Variants in ASTN2 observed in about 807,000 individuals in gnomAD.
The protein encoded by ASTN2 is astrotactin-2.
In ASTN2, 54 loss-of-function variants were observed where a neutral mutation model predicts 139.8. The observed-to-expected ratio is 0.39, with a 90% CI of 0.31 to 0.48. The LOEUF (loss-of-function observed/expected upper bound fraction) is 0.48, where lower values mean the gene tolerates loss of function less well. Ranked by LOEUF, ASTN2 falls within the 20% of genes least tolerant of loss-of-function variation. The pLI is 0.95. For missense variants in ASTN2, 1,565 were observed against 1,725.1 expected, an observed-to-expected ratio of 0.91 and a Z score of 1.64; for synonymous variants, 756 against 719.5, an observed-to-expected ratio of 1.05 and a Z score of -0.81.
At chr9:116,637,502 G>A (rs1408420360) in intron 17 of ASTN2, among the ~76,000 whole-genome samples, 1 of 152,152 alleles carries the variant, frequency 6.6e-6, no homozygotes, top group Non-Finnish European at 1.5e-5. Flanking sequence ...TGAGACAAAA[G>A]TAGTATTTAA....
intron 2 of ASTN2, among the ~76,000 whole-genome samples, chr9:117,215,114 A>T (rs1832270963): frequency 6.6e-6 from 1 of 152,114 alleles, no homozygotes; most frequent in African/African-American, 2.4e-5. Flanking sequence ...CTGCGGCTTC[A>T]CACAGGTGAA....
chr9:116,737,031 G>A (rs1432367840), intron 13 of ASTN2, among the ~76,000 whole-genome samples: 2 of 152,168 alleles, frequency 1.3e-5, no homozygotes, highest in Admixed American at 1.3e-4. Context: ...GAAAGTAGAG[G>A]GGGGACTTGG....
intron 19 of ASTN2, among the ~76,000 whole-genome samples, chr9:116,614,115 A>G (rs7863794): frequency 0.4 from 61,433 of 151,944 alleles, 13,232 homozygotes; most frequent in Admixed American, 0.51. Flanking sequence ...GTGAACTCCC[A>G]TTCACAATTG....
chr9:116,474,808 G>A (rs1024902120), intron 20 of ASTN2, among the ~76,000 whole-genome samples: 1 of 152,208 alleles, frequency 6.6e-6, no homozygotes, highest in Non-Finnish European at 1.5e-5. Context: ...AAGGCCCCAG[G>A]TGGATGGACA....
intron 1 of ASTN2, among the ~76,000 whole-genome samples, chr9:117,384,676 C>T (rs1830352920): frequency 6.6e-6 from 1 of 152,188 alleles, no homozygotes; most frequent in African/African-American, 2.4e-5. Context: ...AAGGCCCTCC[C>T]AGGTTTAGAG....
chr9:117,413,720 CT>C (rs1200715286), intron 1 of ASTN2, among the ~76,000 whole-genome samples: 1 of 152,274 alleles, frequency 6.6e-6, no homozygotes, highest in African/African-American at 2.4e-5. Flanking sequence ...CTCTCCTCTC[CT>C]TTTTCTTGCC....
At chr9:116,765,434 C>G (rs1199007669) in intron 13 of ASTN2, among the ~76,000 whole-genome samples, 1 of 152,086 alleles carries the variant, frequency 6.6e-6, no homozygotes, top group South Asian at 2.1e-4. Context: ...CTAGTTTGAC[C>G]TTTCTTAAGG....
At chr9:116,929,742 C>T (rs1834848906) in intron 10 of ASTN2, among the ~76,000 whole-genome samples, 1 of 152,194 alleles carries the variant, frequency 6.6e-6, no homozygotes, top group South Asian at 2.1e-4. Flanking sequence ...AGCAATTTCA[C>T]ATTAAACCTA....
intron 3 of ASTN2, among the ~76,000 whole-genome samples, chr9:117,174,587 C>T (rs1269917883): frequency 6.6e-6 from 1 of 151,756 alleles, no homozygotes; most frequent in East Asian, 1.9e-4. Flanking sequence ...TTTTATGAAG[C>T]TAGGATAATG....
At chr9:117,105,525 C>T (rs1013006569) in intron 4 of ASTN2, among the ~76,000 whole-genome samples, 2 of 152,184 alleles carry the variant, frequency 1.3e-5, no homozygotes, top group Admixed American at 6.5e-5. Flanking sequence ...CCTTGTGGAA[C>T]TGAGATAATT....
intron 5 of ASTN2, among the ~76,000 whole-genome samples, chr9:117,078,252 G>A (rs777156043): frequency 6.6e-6 from 1 of 152,142 alleles, no homozygotes; most frequent in Non-Finnish European, 1.5e-5. Context: ...GGTCCAAAAA[G>A]AGGAAGAAAA....
intron 20 of ASTN2, among the ~76,000 whole-genome samples, chr9:116,483,663 A>G (rs1849244848): frequency 6.6e-6 from 1 of 152,356 alleles, no homozygotes; most frequent in East Asian, 1.9e-4. Context: ...GACAAAGAGA[A>G]AAAGGCAGAG....
At chr9:117,022,477 AC>A (rs1406557916) in intron 6 of ASTN2, among the ~76,000 whole-genome samples, 8 of 151,960 alleles carry the variant, frequency 5.3e-5, no homozygotes, top group East Asian at 1.9e-4. Context: ...AAACAAAAAA[AC>A]AACATCATTT....
chr9:116,565,351 T>TTCTCTC (rs772428232), intron 19 of ASTN2, among the ~76,000 whole-genome samples: 36 of 35,986 alleles, frequency 1.0e-3, no homozygotes, highest in East Asian at 5.6e-3. Flanking sequence ...AAGACACTGT[T>TTCTCTC]TCTCTCTCTC....
At chr9:116,687,530 A>C in intron 16 of ASTN2, 1 of 6,516 alleles carries the variant, frequency 1.5e-4, no homozygotes, top group South Asian at 3.6e-3. Flanking sequence ...GGGCAGGACT[A>C]GGGTGGGGGT....
intron 4 of ASTN2, among the ~76,000 whole-genome samples, chr9:117,132,987 C>T (rs1015233099): frequency 2.6e-5 from 4 of 152,072 alleles, no homozygotes; most frequent in Non-Finnish European, 1.5e-5. Context: ...TGAATAATAT[C>T]CCCAGGATAT....
chr9:117,367,006 C>A (rs1829862752), intron 1 of ASTN2, among the ~76,000 whole-genome samples: 1 of 152,104 alleles, frequency 6.6e-6, no homozygotes, highest in Non-Finnish European at 1.5e-5. Context: ...AACTCCTGAC[C>A]TTGTGATCCA....
chr9:117,327,480 T>C (rs1015525865), intron 1 of ASTN2, among the ~76,000 whole-genome samples: 6 of 152,044 alleles, frequency 3.9e-5, no homozygotes, highest in African/African-American at 1.4e-4. Flanking sequence ...TTCAAGGAGG[T>C]AGCCATTGGA....
chr9:116,508,644 T>C (rs1448742832), intron 19 of ASTN2, among the ~76,000 whole-genome samples: 2 of 152,150 alleles, frequency 1.3e-5, no homozygotes, highest in African/African-American at 4.8e-5. Context: ...ATGATTTTAG[T>C]TTTGCCTTAT....
Sources: allele counts gnomAD v4.1 joint callset (sites outside exome capture counted in the v4.1 genomes callset), GRCh38; gene constraint gnomAD v4.1.1; transcripts MANE v1.5; gene names NCBI Gene and HGNC (gene_info 2026-07-23, HGNC 2026-07-21).